Variants in DNAJA4 observed in about 807,000 individuals in gnomAD.
DNAJA4 encodes the protein DnaJ heat shock protein family (Hsp40) member A4, also known as dnaJ homolog subfamily A member 4.
In DNAJA4, 32 loss-of-function variants were observed where a neutral mutation model predicts 39.7. The ratio of observed to expected loss-of-function variants is 0.81; its 90% CI spans 0.61 to 1.08. DNAJA4 has a LOEUF of 1.08. Ranked by LOEUF, DNAJA4 falls within the 50% of genes least tolerant of loss-of-function variation. DNAJA4 has a pLI of 0.00. For missense variants in DNAJA4, 439 were observed against 505.1 expected, an observed-to-expected ratio of 0.87 and a Z score of 1.25; for synonymous variants, 184 against 182.4, an observed-to-expected ratio of 1.01 and a Z score of -0.07.
chr15:78,265,043 G>A (rs1020911215), intron 1 of DNAJA4, 148 bp downstream of exon 1: 3 of 1,019,460 alleles, frequency 2.9e-6, no homozygotes, highest in Non-Finnish European at 4.1e-6. Flanking sequence ...AGAGGTGGCG[G>A]GAGACCCTGG....
At chr15:78,266,413 C>A in intron 1 of DNAJA4, 1 of 811,884 alleles carries the variant, frequency 1.2e-6, no homozygotes, top group Non-Finnish European at 1.9e-6. Flanking sequence ...CCTGTCTATA[C>A]CTGTCTGGGC....
chr15:78,271,346 G>A (rs1256377744), intron 2 of DNAJA4, among the ~76,000 whole-genome samples: 1 of 152,112 alleles, frequency 6.6e-6, no homozygotes, highest in Admixed American at 6.5e-5. Context: ...ATCCTTTACC[G>A]AGAGTGTTCC....
At chr15:78,274,682 C>A in intron 4 of DNAJA4, 1 of 497,186 alleles carries the variant, frequency 2.0e-6, no homozygotes. Flanking sequence ...TTTTCTAACG[C>A]TCTGAAAGTC....
chr15:78,276,703 G>A (rs2049471230), intron 5 of DNAJA4, among the ~76,000 whole-genome samples: 1 of 152,272 alleles, frequency 6.6e-6, no homozygotes, highest in African/African-American at 2.4e-5. Flanking sequence ...CTCACTGGCC[G>A]TGGGGCTGGG....
intron 5 of DNAJA4, among the ~76,000 whole-genome samples, chr15:78,277,651 G>T (rs1185692050): frequency 3.9e-5 from 6 of 152,170 alleles, no homozygotes; most frequent in Admixed American, 3.9e-4. Context: ...GGAAGCATCT[G>T]TGTGTAACTT....
At position 78,273,180 on chromosome 15, in the gene DNAJA4, A is replaced by AT; in HGVS notation, c.399_400insT (p.Ile134TyrfsTer3). ...AGAAATTGGCCCTCCAGAAAAATGT[A>AT]ATTTGTGAGAAATGTGAAGGTAAAA... On this transcript the variant is annotated frameshift_variant, in exon 3 of 7. Transcript: ENST00000394852. LOFTEE classifies it high-confidence loss of function. The AT allele has an allele frequency of 6.3e-7, 1 of 1,595,198 alleles. No homozygotes were observed. The highest frequency in any genetic ancestry group is 8.6e-7 in the Non-Finnish European group (1 of 1,162,538).
chr15:78,265,772 T>G (rs1595921673), intron 1 of DNAJA4: 9 of 663,560 alleles, frequency 1.4e-5, no homozygotes, highest in East Asian at 2.7e-5. Context: ...AAACTTTGGT[T>G]GTTCCGCATG....
intron 5 of DNAJA4, among the ~76,000 whole-genome samples, chr15:78,275,977 A>G (rs1266903902): frequency 6.6e-6 from 1 of 152,210 alleles, no homozygotes; most frequent in Non-Finnish European, 1.5e-5. Flanking sequence ...ATTCTGTTAC[A>G]CAAATTAGTA....
intron 1 of DNAJA4, among the ~76,000 whole-genome samples, chr15:78,268,868 T>C (rs1177273898): frequency 1.3e-5 from 2 of 152,008 alleles, no homozygotes; most frequent in African/African-American, 2.4e-5. Context: ...TGTTAGAAGG[T>C]GGTTCATGAT....
At chr15:78,274,974 G>A (rs1469155308) in intron 4 of DNAJA4, 1 of 173,862 alleles carries the variant, frequency 5.8e-6, no homozygotes, top group African/African-American at 2.4e-5. Context: ...TGATTCTGTG[G>A]CTTTCCAATC....
At position 78,281,901 on chromosome 15, in the gene DNAJA4, A is replaced by G. The variant is rs2049670098; in HGVS notation, c.*1441A>G. The G allele has an allele frequency of 6.6e-6, 1 of 152,252 alleles. No homozygotes were observed. The allele number at this position is 152,252 out of a possible 1,614,324, so 9.4% of individuals were successfully genotyped here. A position where few individuals can be genotyped will look rare whatever the true frequency, so the allele number is the denominator to read the frequency against. On this transcript the variant is annotated 3_prime_UTR_variant, in exon 7 of 7. Transcript: ENST00000394852. Reference sequence around the variant, plus strand: ...GTGAGGCATAATTTGCTCAAAGTATAGAAACAGCCCACCTGTGCCCACTTT... The same window carrying G: ...GTGAGGCATAATTTGCTCAAAGTATGGAAACAGCCCACCTGTGCCCACTTT...
chr15:78,264,831 A>G lies in DNAJA4; in HGVS notation c.68A>G (p.Lys23Arg), dbSNP rs1447940077. Residue 23 changes from lysine (K) to arginine (R), a missense_variant, in exon 1 of 7, where the codon AAG (lysine) becomes AGG (arginine). Lys to Arg is a conservative substitution (Grantham distance 26). Coordinates refer to ENST00000394852, the MANE Select transcript of DNAJA4 (RefSeq NM_001130182.2). The part of the protein sequence containing the change: ...VKPSASPEEI[K>R]KAYRKLALKY... ...CCCAGCGCGTCCCCGGAGGAGATCA[A>G]GAAGGCCTATCGGAAGCTGGCGCTC... is the stretch of plus-strand genomic sequence containing the variant. The G allele has an allele frequency of 1.9e-6, 3 of 1,610,500 alleles. No homozygotes were observed. The highest frequency in any genetic ancestry group is 2.5e-6 in the Non-Finnish European group (3 of 1,178,396).
chr15:78,280,484 C>T lies in DNAJA4; in HGVS notation c.*24C>T. On this transcript the variant is annotated 3_prime_UTR_variant, in exon 7 of 7. Transcript: ENST00000394852. ...GACGTGGTGCGGGGCAGCGTGGCCC[C>T]ACCGGACTAGCACATGATGAATGTA... is the stretch of plus-strand genomic sequence containing the variant. 1.9e-6 allele frequency: 3 copies of T among 1,575,734 alleles called. No individual in the cohort carries two copies. The highest frequency in any genetic ancestry group is 1.1e-5 in the South Asian group (1 of 88,074).
At chr15:78,270,468 A>G in intron 1 of DNAJA4, 29 bp from the exon 2 acceptor site, 3 of 1,588,736 alleles carry the variant, frequency 1.9e-6, no homozygotes, top group Non-Finnish European at 2.6e-6. Context: ...AAACTTCTCT[A>G]AAAATCTCTC....
At chr15:78,278,640 G>A (rs1262550243) in intron 5 of DNAJA4, among the ~76,000 whole-genome samples, 1 of 152,018 alleles carries the variant, frequency 6.6e-6, no homozygotes, top group Admixed American at 6.6e-5. Flanking sequence ...AGGTCACTAT[G>A]CTGTGCATGA....
rs1166276235 is a variant in DNAJA4, at chr15:78,275,731, A to G, written c.877+3A>G. 1 of 1,592,238 alleles carries G rather than the reference A, an allele frequency of 6.3e-7. No individual in the cohort carries two copies. Among genetic ancestry groups the G allele is most frequent in the Non-Finnish European group, 8.6e-7 (1 of 1,164,624 alleles). On this transcript the variant is annotated splice_donor_region_variant and intron_variant, in intron 5 of 6. Coordinates refer to ENST00000394852, the MANE Select transcript of DNAJA4 (RefSeq NM_001130182.2). ...TCTTGTTATTACATCCAAAGCAGGT[A>G]ATGTTTCAAAGTGTGTTTCCATTGA... is the stretch of plus-strand genomic sequence containing the variant.
At chr15:78,265,666 T>TG (rs2049102504) in intron 1 of DNAJA4, 1 of 702,238 alleles carries the variant, frequency 1.4e-6, no homozygotes. Flanking sequence ...AAGAGGCTCA[T>TG]GACCCACCTG....
At chr15:78,270,298 A>G (rs2141438390) in intron 1 of DNAJA4, 199 bp from the exon 2 acceptor site, 1 of 554,550 alleles carries the variant, frequency 1.8e-6, no homozygotes, top group South Asian at 2.5e-5. Context: ...GTCCCTTAAT[A>G]TGTTTGCCCT....
At chr15:78,268,043 C>T (rs954846939) in intron 1 of DNAJA4, among the ~76,000 whole-genome samples, 3 of 152,150 alleles carry the variant, frequency 2.0e-5, no homozygotes, top group African/African-American at 7.2e-5. Flanking sequence ...GTAGTTGGAA[C>T]CCCCATCCCA....
Sources: gnomAD v4.1 joint callset for allele counts (sites outside exome capture counted in the v4.1 genomes callset) on GRCh38, gnomAD v4.1.1 for gene constraint, MANE v1.5 for transcripts, NCBI Gene and HGNC (gene_info 2026-07-23, HGNC 2026-07-21) for gene names.